KSR1: variants seen among roughly 807,000 people sequenced by gnomAD.
The protein encoded by KSR1 is kinase suppressor of ras 1, also known as kinase suppressor of ras.
In KSR1, 35 loss-of-function variants were observed where a neutral mutation model predicts 92.9. That is an observed-to-expected ratio of 0.38 (90% CI 0.29 to 0.50). The LOEUF (loss-of-function observed/expected upper bound fraction) is 0.50, where lower values mean the gene tolerates loss of function less well. KSR1 is among the 20% of genes least tolerant of loss of function. KSR1 has a pLI of 0.94. For synonymous variants in KSR1, 467 were observed against 472.6 expected, an observed-to-expected ratio of 0.99 and a Z score of 0.15; for missense variants, 972 against 1,158.5, an observed-to-expected ratio of 0.84 and a Z score of 2.34.
At chr17:27,551,506 A>G (rs1403391168) in intron 2 of KSR1, among the ~76,000 whole-genome samples, 1 of 152,176 alleles carries the variant, frequency 6.6e-6, no homozygotes, top group Non-Finnish European at 1.5e-5. Context: ...CAGAGAAGGA[A>G]AGAAATCACA....
intron 1 of KSR1, among the ~76,000 whole-genome samples, chr17:27,537,212 G>C (rs1473548133): frequency 6.6e-6 from 1 of 152,182 alleles, no homozygotes; most frequent in Non-Finnish European, 1.5e-5. Context: ...AGCATCAACT[G>C]AATCAGGGTA....
At chr17:27,468,436 A>G (rs182951178) in intron 1 of KSR1, among the ~76,000 whole-genome samples, 62 of 151,950 alleles carry the variant, frequency 4.1e-4, no homozygotes, top group Non-Finnish European at 7.1e-4. Flanking sequence ...GGGTTTCACC[A>G]TGTTGGCCAG....
At chr17:27,526,811 T>A (rs1409643539) in intron 1 of KSR1, 3 of 935,128 alleles carry the variant, frequency 3.2e-6, no homozygotes, top group East Asian at 2.4e-5. Flanking sequence ...GGCCGTGGCG[T>A]GGTATTTGGG....
At chr17:27,497,857 A>G (rs1446043093) in intron 1 of KSR1, among the ~76,000 whole-genome samples, 1 of 152,184 alleles carries the variant, frequency 6.6e-6, no homozygotes, top group East Asian at 1.9e-4. Flanking sequence ...AGTGACTGAG[A>G]AAGAGATCTT....
chr17:27,538,141 C>T (rs2070818575), intron 1 of KSR1, among the ~76,000 whole-genome samples: 1 of 152,224 alleles, frequency 6.6e-6, no homozygotes, highest in Admixed American at 6.5e-5. Flanking sequence ...CAGGAAGCCT[C>T]AGCCTTAGAA....
chr17:27,462,898 G>A (rs760799394), intron 1 of KSR1, among the ~76,000 whole-genome samples: 20 of 152,188 alleles, frequency 1.3e-4, no homozygotes, highest in Non-Finnish European at 2.9e-4. Context: ...TCTTCTGTCT[G>A]TATCAGCACA....
intron 2 of KSR1, among the ~76,000 whole-genome samples, chr17:27,575,288 G>T (rs1210227397): frequency 6.6e-6 from 1 of 152,228 alleles, no homozygotes; most frequent in Non-Finnish European, 1.5e-5. Context: ...AATTTTCTGG[G>T]AAAGGGGCAG....
At chr17:27,617,546 A>C (rs1020714215) in intron 19 of KSR1, 118 bp downstream of exon 19, 11 of 1,230,846 alleles carry the variant, frequency 8.9e-6, no homozygotes, top group Non-Finnish European at 1.2e-5. Context: ...GTTTTTTTTG[A>C]GACAGAGTCT....
chr17:27,554,010 C>T (rs1006148097), intron 2 of KSR1, among the ~76,000 whole-genome samples: 3 of 152,236 alleles, frequency 2.0e-5, no homozygotes, highest in Admixed American at 2.0e-4. Context: ...TCGATACCCA[C>T]TGCTGCCCCT....
chr17:27,576,440 T>C (rs1186909084), intron 2 of KSR1, among the ~76,000 whole-genome samples: 1 of 152,202 alleles, frequency 6.6e-6, no homozygotes, highest in Non-Finnish European at 1.5e-5. Flanking sequence ...CAATACACTA[T>C]AATGAAAGTT....
In KSR1 at chr17:27,623,376, G is replaced by C; in HGVS notation, c.2771G>C (p.Ser924Thr). ...TTTGGCTTGGGCGTCCTGGAGTCCA[G>C]TAATCCAAAGATGTAGCCAGCCATA... ...ERFGLGVLES[S>T]NPKM The change falls in exon 21 of 21, where the codon AGT (serine) becomes ACT (threonine). Residue 924 changes from serine (S) to threonine (T), a missense_variant. Coordinates refer to ENST00000644974, the MANE Select transcript of KSR1 (RefSeq NM_001394583.1). 1.3e-6 allele frequency: 1 copy of C among 764,964 alleles called. No individual in the cohort carries two copies. Among genetic ancestry groups the C allele is most frequent in the Non-Finnish European group, 2.4e-6 (1 of 417,774 alleles). 47.4% of individuals were successfully genotyped at this position (764,964 alleles called of 1,614,324 possible).
At chr17:27,465,708 T>C (rs1174422768) in intron 1 of KSR1, among the ~76,000 whole-genome samples, 2 of 152,198 alleles carry the variant, frequency 1.3e-5, no homozygotes, top group African/African-American at 4.8e-5. Flanking sequence ...TCCGCAAATA[T>C]GATGTGGTAA....
intron 1 of KSR1, among the ~76,000 whole-genome samples, chr17:27,515,974 G>T (rs2069777337): frequency 6.6e-6 from 1 of 152,066 alleles, no homozygotes; most frequent in Non-Finnish European, 1.5e-5. Flanking sequence ...GGCTCTCCAT[G>T]GCTGACTTAA....
At chr17:27,560,562 G>C (rs1189553935) in intron 2 of KSR1, 7 of 506,168 alleles carry the variant, frequency 1.4e-5, no homozygotes, top group African/African-American at 1.4e-4. Flanking sequence ...AGAGATGGGG[G>C]ACAAAGCTGC....
intron 2 of KSR1, among the ~76,000 whole-genome samples, chr17:27,554,019 CT>C (rs1417887211): frequency 6.6e-6 from 1 of 152,188 alleles, no homozygotes. Context: ...ACTGCTGCCC[CT>C]GACCCCTACC....
intron 1 of KSR1, among the ~76,000 whole-genome samples, chr17:27,533,168 A>G (rs2070614187): frequency 1.3e-5 from 2 of 152,184 alleles, no homozygotes; most frequent in Non-Finnish European, 2.9e-5. Flanking sequence ...TCTGCCACTT[A>G]CTAGCCGCAT....
At chr17:27,469,243 C>T (rs2019853738) in intron 1 of KSR1, among the ~76,000 whole-genome samples, 1 of 152,204 alleles carries the variant, frequency 6.6e-6, no homozygotes, top group Non-Finnish European at 1.5e-5. Context: ...ACCACTTTCT[C>T]ATTTCTTTTC....
At chr17:27,525,480 G>C (rs991009247) in intron 1 of KSR1, among the ~76,000 whole-genome samples, 3 of 152,194 alleles carry the variant, frequency 2.0e-5, no homozygotes, top group Non-Finnish European at 4.4e-5. Context: ...CTTGGAACAG[G>C]GCCTGACACA....
intron 1 of KSR1, chr17:27,527,128 C>T: frequency 3.0e-6 from 1 of 336,962 alleles, no homozygotes; most frequent in Non-Finnish European, 5.9e-6. Flanking sequence ...TCTTACATTC[C>T]AGCACATATT....
Sources: gnomAD v4.1 joint callset for allele counts (sites outside exome capture counted in the v4.1 genomes callset) on GRCh38, gnomAD v4.1.1 for gene constraint, MANE v1.5 for transcripts, NCBI Gene and HGNC (gene_info 2026-07-23, HGNC 2026-07-21) for gene names.